The following IGF1 variants were observed in gnomAD, a reference collection of about 807,000 sequenced individuals.
The protein encoded by IGF1 is insulin like growth factor 1.
A neutral mutation model predicts 13.8 loss-of-function variants in IGF1; 4 were observed. The ratio of observed to expected loss-of-function variants is 0.29; its 90% CI spans 0.14 to 0.66. IGF1 has a LOEUF of 0.66. Ranked by LOEUF, IGF1 falls within the 30% of genes least tolerant of loss-of-function variation. The pLI is 0.78. For missense variants in IGF1, 124 were observed against 188.5 expected (o/e 0.66, Z 2.00); for synonymous variants, 76 against 72.6 (o/e 1.05, Z -0.23).
rs1197396301 is a variant in IGF1 at position 102,397,730 on chromosome 12, A to T, written c.*4777T>A. On this transcript the variant is annotated 3_prime_UTR_variant, in exon 4 of 4. Transcript: ENST00000337514. ...TTTATGGTCTTTGCAAGGGAGGGGC[A>T]TAAACTTTCACAATTCTTCTGTTTT... 1 of 152,224 alleles carries T rather than the reference A, an allele frequency of 6.6e-6. No homozygotes were observed. Among genetic ancestry groups the T allele is most frequent in the African/African-American group, 2.4e-5 (1 of 41,466 alleles). The allele number at this position is 152,224 out of a possible 1,614,324, so 9.4% of individuals were successfully genotyped here. A position where few individuals can be genotyped will look rare whatever the true frequency, so the allele number is the denominator to read the frequency against.
At position 102,419,667 on chromosome 12, in the gene IGF1, T is replaced by G; in HGVS notation, c.244A>C (p.Ser82Arg). ...YFNKPTGYGS[S>R]SRRAPQTGIV... is the part of the protein sequence containing the mutation. ...CCTGTCTGAGGCGCCCTCCGACTGC[T>G]GGAGCCATACCCTGTGGGCTTGTCT... The change falls in exon 3 of 4, where the codon AGC (serine) becomes CGC (arginine). Residue 82 changes from serine (S) to arginine (R), a missense_variant. By Grantham distance (110) the Ser-to-Arg change is moderately radical. Transcript: ENST00000337514. The G allele has an allele frequency of 6.2e-7, 1 of 1,612,972 alleles. No individual in the cohort carries two copies. Among genetic ancestry groups the G allele is most frequent in the Non-Finnish European group, 8.5e-7 (1 of 1,180,014 alleles).
chr12:102,409,038 C>A (rs1161887552), intron 3 of IGF1, among the ~76,000 whole-genome samples: 3 of 152,196 alleles, frequency 2.0e-5, no homozygotes, highest in Non-Finnish European at 2.9e-5. Flanking sequence ...ACACAGTAGT[C>A]GTGTGACCTT....
At chr12:102,421,465 C>G (rs1875713487) in intron 2 of IGF1, among the ~76,000 whole-genome samples, 1 of 152,130 alleles carries the variant, frequency 6.6e-6, no homozygotes, top group Non-Finnish European at 1.5e-5. Flanking sequence ...GTACTTTTTG[C>G]TAAGTGGCTA....
chr12:102,419,477 A>G (rs912132883), intron 3 of IGF1, 32 bp downstream of exon 3: 1 of 1,604,760 alleles, frequency 6.2e-7, no homozygotes, highest in Non-Finnish European at 8.5e-7. Context: ...AGACCACTTG[A>G]GGATGGCTGG....
chr12:102,441,953 T>TTCTC (rs1555244155), intron 2 of IGF1, among the ~76,000 whole-genome samples: 2 of 140,222 alleles, frequency 1.4e-5, no homozygotes, highest in Admixed American at 8.1e-5. Context: ...CTTCTTCTTC[T>TTCTC]TCTTTTTTTT....
chr12:102,457,749 T>C (rs1423590409), intron 2 of IGF1, among the ~76,000 whole-genome samples: 1 of 152,254 alleles, frequency 6.6e-6, no homozygotes, highest in Non-Finnish European at 1.5e-5. Flanking sequence ...GTTATTTTTA[T>C]ACATTATTAC....
At chr12:102,451,076 A>G (rs1317552844) in intron 2 of IGF1, among the ~76,000 whole-genome samples, 1 of 152,218 alleles carries the variant, frequency 6.6e-6, no homozygotes, top group Non-Finnish European at 1.5e-5. Context: ...GTGTCAAAAC[A>G]TACACTCTAA....
At chr12:102,404,491 C>T (rs761777234) in intron 3 of IGF1, among the ~76,000 whole-genome samples, 1 of 152,014 alleles carries the variant, frequency 6.6e-6, no homozygotes, top group East Asian at 1.9e-4. Context: ...TTTTATGAGT[C>T]GATGGTCAAC....
intron 2 of IGF1, among the ~76,000 whole-genome samples, chr12:102,430,814 C>T (rs1876675037): frequency 6.6e-6 from 1 of 152,192 alleles, no homozygotes; most frequent in African/African-American, 2.4e-5. Context: ...CCAGTGCTCC[C>T]ACGGTCCACT....
chr12:102,422,230 T>C (rs946893300), intron 2 of IGF1, among the ~76,000 whole-genome samples: 11 of 152,200 alleles, frequency 7.2e-5, no homozygotes, highest in Non-Finnish European at 1.3e-4. Context: ...CTACATTTGT[T>C]TTTTTAAAAA....
At chr12:102,432,752 G>C (rs1876849491) in intron 2 of IGF1, among the ~76,000 whole-genome samples, 1 of 152,108 alleles carries the variant, frequency 6.6e-6, no homozygotes, top group African/African-American at 2.4e-5. Flanking sequence ...AAGGGACTCT[G>C]GTCTCTCAAC....
At chr12:102,438,434 T>C (rs1052950613) in intron 2 of IGF1, among the ~76,000 whole-genome samples, 1 of 152,164 alleles carries the variant, frequency 6.6e-6, no homozygotes, top group Non-Finnish European at 1.5e-5. Flanking sequence ...GTAAACGTTA[T>C]CTTATTTTGC....
chr12:102,438,760 A>G (rs1437362601), intron 2 of IGF1, among the ~76,000 whole-genome samples: 1 of 152,168 alleles, frequency 6.6e-6, no homozygotes, highest in Non-Finnish European at 1.5e-5. Flanking sequence ...GTCAGAAGAA[A>G]ACATGAGGGA....
chr12:102,464,768 G>A (rs956617916), intron 2 of IGF1, among the ~76,000 whole-genome samples: 1 of 152,076 alleles, frequency 6.6e-6, no homozygotes, highest in Non-Finnish European at 1.5e-5. Flanking sequence ...CCTAAGTCAG[G>A]CTGTGATAAG....
intron 2 of IGF1, among the ~76,000 whole-genome samples, chr12:102,428,389 G>A (rs551891126): frequency 7.9e-5 from 12 of 151,838 alleles, no homozygotes; most frequent in Non-Finnish European, 1.8e-4. Flanking sequence ...GGAAAGCAGG[G>A]ATCAGTGTTG....
intron 2 of IGF1, among the ~76,000 whole-genome samples, chr12:102,424,718 T>A (rs1330393835): frequency 6.6e-6 from 1 of 152,202 alleles, no homozygotes; most frequent in African/African-American, 2.4e-5. Context: ...ATTTCCTACA[T>A]CTCTGATGGC....
intron 2 of IGF1, among the ~76,000 whole-genome samples, chr12:102,457,619 T>C (rs1879528146): frequency 6.6e-6 from 1 of 152,208 alleles, no homozygotes; most frequent in Non-Finnish European, 1.5e-5. Flanking sequence ...TAAACTTTAG[T>C]GGACGATTTC....
At chr12:102,480,220 A>G in intron 1 of IGF1, 99 bp downstream of exon 1, 1 of 1,193,662 alleles carries the variant, frequency 8.4e-7, no homozygotes, top group Non-Finnish European at 1.2e-6. Flanking sequence ...GTTCCGAAAC[A>G]ATGAAAATTT....
chr12:102,429,387 G>A (rs555167021), intron 2 of IGF1, among the ~76,000 whole-genome samples: 544 of 152,212 alleles, frequency 3.6e-3, no homozygotes, highest in Non-Finnish European at 6.2e-3. Flanking sequence ...CAAACTCAAG[G>A]TCAACTGAAG....
Sources: allele counts gnomAD v4.1 joint callset (sites outside exome capture counted in the v4.1 genomes callset), GRCh38; gene constraint gnomAD v4.1.1; transcripts MANE v1.5; gene names NCBI Gene and HGNC (gene_info 2026-07-23, HGNC 2026-07-21).